HEPHL1: variants seen among roughly 807,000 people sequenced by gnomAD.
The protein encoded by HEPHL1 is ferroxidase HEPHL1.
Under a neutral mutation model 122.0 loss-of-function variants are expected in HEPHL1, and 123 were observed. The ratio of observed to expected loss-of-function variants is 1.01; its 90% CI spans 0.87 to 1.17. The LOEUF is 1.17. HEPHL1 is among the 50% of genes most tolerant of loss of function. HEPHL1 has a pLI of 0.00. For missense variants in HEPHL1, 1,452 were observed against 1,430.5 expected (o/e 1.01, Z -0.24); for synonymous variants, 527 against 508.9 (o/e 1.04, Z -0.48).
chr11:94,091,229 A>C (rs1421662849), intron 12 of HEPHL1, among the ~76,000 whole-genome samples: 1 of 152,194 alleles, frequency 6.6e-6, no homozygotes, highest in Non-Finnish European at 1.5e-5. Flanking sequence ...CATCTCTTGC[A>C]CCATTCTCAC....
chr11:94,108,695 T>A (rs1052224419), intron 17 of HEPHL1, among the ~76,000 whole-genome samples: 2 of 152,022 alleles, frequency 1.3e-5, no homozygotes, highest in African/African-American at 4.8e-5. Context: ...TTTGTGAAAA[T>A]CATATTGACC....
intron 13 of HEPHL1, among the ~76,000 whole-genome samples, chr11:94,099,192 G>T (rs1413505868): frequency 1.3e-5 from 2 of 152,142 alleles, no homozygotes; most frequent in Non-Finnish European, 2.9e-5. Flanking sequence ...TGGGGTTTTG[G>T]TGTGGATTTG....
At chr11:94,100,306 G>C (rs1160967682) in intron 13 of HEPHL1, among the ~76,000 whole-genome samples, 2 of 152,224 alleles carry the variant, frequency 1.3e-5, no homozygotes, top group African/African-American at 4.8e-5. Flanking sequence ...ACCACCAACT[G>C]TCAGTGTATC....
At chr11:94,099,146 A>G (rs948213551) in intron 13 of HEPHL1, among the ~76,000 whole-genome samples, 4 of 152,088 alleles carry the variant, frequency 2.6e-5, no homozygotes, top group African/African-American at 9.7e-5. Context: ...TTGTGGTTTT[A>G]TCTACCTTTG....
Position 94,073,311 on chromosome 11 carries a change from CA to C in HEPHL1, c.1377del (p.Val460SerfsTer11), listed in dbSNP as rs1258355261. The C allele has an allele frequency of 6.2e-7, 1 of 1,609,938 alleles. No homozygotes were observed. The highest frequency in any genetic ancestry group is 8.5e-7 in the Non-Finnish European group (1 of 1,178,056). ...AEEAHLGILG[P>X]VIKAEVGDTL... The stretch of plus-strand genomic sequence containing the variant: ...CTTCTTCTGGATATTTTTTCAGGCC[CA>C]GTCATCAAGGCAGAGGTGGGTGATA... On this transcript the variant is annotated frameshift_variant, in exon 8 of 20. Coordinates refer to ENST00000315765, the MANE Select transcript of HEPHL1 (RefSeq NM_001098672.2). LOFTEE classifies it high-confidence loss of function.
intron 8 of HEPHL1, among the ~76,000 whole-genome samples, chr11:94,074,135 G>T (rs1365069498): frequency 6.6e-6 from 1 of 152,042 alleles, no homozygotes; most frequent in African/African-American, 2.4e-5. Flanking sequence ...GTGATGCCAG[G>T]CCCAGTTGAG....
chr11:94,045,666 C>T lies in HEPHL1; in HGVS notation c.171-7C>T. The T allele has an allele frequency of 6.3e-7, 1 of 1,587,036 alleles. No individual in the cohort carries two copies. The highest frequency in any genetic ancestry group is 1.2e-5 in the South Asian group (1 of 86,516). On this transcript the variant is annotated splice_polypyrimidine_tract_variant and splice_region_variant and intron_variant, in intron 1 of 19. Transcript: ENST00000315765. ...TCAATTAAAAATGTTTTTCTTCTTA[C>T]TTTTAGACTTGCAACCTTATTTCTC... is the stretch of plus-strand genomic sequence containing the variant.
intron 2 of HEPHL1, among the ~76,000 whole-genome samples, chr11:94,062,657 A>G (rs763734228): frequency 7.4e-5 from 11 of 149,136 alleles, no homozygotes; most frequent in South Asian, 2.1e-4. Flanking sequence ...TTTTTTTTTC[A>G]GTACCAGTCT....
intron 10 of HEPHL1, among the ~76,000 whole-genome samples, chr11:94,083,385 A>G (rs1946188994): frequency 6.6e-6 from 1 of 152,218 alleles, no homozygotes; most frequent in Admixed American, 6.5e-5. Context: ...AAGTGTTACA[A>G]TAGCAAACCA....
At chr11:94,089,716 C>G (rs1946249972) in intron 12 of HEPHL1, among the ~76,000 whole-genome samples, 1 of 152,194 alleles carries the variant, frequency 6.6e-6, no homozygotes, top group African/African-American at 2.4e-5. Flanking sequence ...GGGCTAATCC[C>G]CTCCCTCCAC....
intron 7 of HEPHL1, 60 bp from the exon 8 acceptor site, chr11:94,073,248 C>T (rs1361927513): frequency 1.2e-6 from 2 of 1,606,100 alleles, no homozygotes. Context: ...GACTCTTCTG[C>T]TTTACTTCTT....
At chr11:94,065,127 C>G (rs1408514609) in intron 4 of HEPHL1, among the ~76,000 whole-genome samples, 1 of 152,142 alleles carries the variant, frequency 6.6e-6, no homozygotes, top group African/African-American at 2.4e-5. Context: ...GCCTGTTTTG[C>G]AAAGCAGTAG....
In HEPHL1 at chr11:94,070,484, G is replaced by C; in HGVS notation, c.1174G>C (p.Asp392His). 1 of 1,611,134 alleles carries C rather than the reference G, an allele frequency of 6.2e-7. No individual in the cohort carries two copies. The highest frequency in any genetic ancestry group is 1.7e-5 in the Admixed American group (1 of 59,642). ...YFIAAEKILWDYAPQGYNKFS... is the reference protein window; with the variant it reads ...YFIAAEKILWHYAPQGYNKFS... ...TATAGCAGCTGAAAAAATTCTTTGG[G>C]ATTATGCTCCTCAAGGCTATAACAA... Residue 392 changes from aspartate (D) to histidine (H), a missense_variant, in exon 6 of 20, where the codon GAT becomes CAT. By Grantham distance (81) the Asp-to-His change is moderately conservative. Transcript: ENST00000315765.
At chr11:94,080,916 T>A (rs1193035325) in intron 9 of HEPHL1, among the ~76,000 whole-genome samples, 7 of 152,224 alleles carry the variant, frequency 4.6e-5, no homozygotes, top group Non-Finnish European at 8.8e-5. Flanking sequence ...AGAAATACCA[T>A]TTGACCCAGC....
intron 13 of HEPHL1, among the ~76,000 whole-genome samples, chr11:94,093,973 T>TAGATAGATAGATAGATAG (rs200458161): frequency 4.2e-5 from 2 of 47,880 alleles, no homozygotes; most frequent in African/African-American, 1.5e-4. Context: ...CTCCAGCAGA[T>TAGATAGATAGATAGATAG]ATATATATAT....
At chr11:94,046,112 TGAGAGG>T (rs1565348051) in intron 2 of HEPHL1, among the ~76,000 whole-genome samples, 195 bp downstream of exon 2, 5 of 142,304 alleles carry the variant, frequency 3.5e-5, no homozygotes, top group Non-Finnish European at 7.6e-5. Context: ...TTTTTTTTTT[TGAGAGG>T]TAGTCTCACT....
At position 94,063,564 on chromosome 11, in the gene HEPHL1, C is replaced by G; in HGVS notation, c.472C>G (p.Pro158Ala). The G allele has an allele frequency of 6.2e-7, 1 of 1,613,592 alleles. No individual in the cohort carries two copies. Among genetic ancestry groups the G allele is most frequent in the Non-Finnish European group, 8.5e-7 (1 of 1,179,742 alleles). Residue 158 changes from proline (P) to alanine (A), a missense_variant, in exon 3 of 20, where the codon CCT becomes GCT. Transcript: ENST00000315765. ...GRNKNDDMVP[P>A]GKNYTYVWPV... The stretch of plus-strand genomic sequence containing the variant: ...GAACAAAAATGATGACATGGTTCCT[C>G]CTGGGAAAAACTACACCTACGTCTG...
intron 1 of HEPHL1, among the ~76,000 whole-genome samples, chr11:94,037,553 C>T (rs1198550695): frequency 1.3e-5 from 2 of 152,144 alleles, no homozygotes; most frequent in African/African-American, 4.8e-5. Flanking sequence ...TCAAGTGGGT[C>T]CCTGACCCCT....
At chr11:94,055,651 G>T (rs1401181) in intron 2 of HEPHL1, 125,972 of 378,640 alleles carry the variant, frequency 0.33, 22,125 homozygotes, top group Admixed American at 0.43. Context: ...TCCAATGCTG[G>T]TGAAGATGTG....
Sources: allele counts gnomAD v4.1 joint callset (sites outside exome capture counted in the v4.1 genomes callset), GRCh38; gene constraint gnomAD v4.1.1; transcripts MANE v1.5; gene names NCBI Gene and HGNC (gene_info 2026-07-23, HGNC 2026-07-21).